ZNF84: variants seen among roughly 807,000 people sequenced by gnomAD.
ZNF84 encodes the protein zinc finger protein 84.
ZNF84 carries 12 observed loss-of-function variants against 14.8 expected under a neutral mutation model. The observed-to-expected ratio is 0.81, with a 90% confidence interval of 0.52 to 1.31. The LOEUF (loss-of-function observed/expected upper bound fraction) is 1.31. ZNF84 is among the 50% of genes most tolerant of loss of function. The probability of loss-of-function intolerance (pLI) is 0.00; values close to 1 mark genes in which losing one functional copy is unlikely to be tolerated. For missense variants in ZNF84, 859 were observed against 878.6 expected, an observed-to-expected ratio of 0.98 and a Z score of 0.28; for synonymous variants, 347 against 291.1, an observed-to-expected ratio of 1.19 and a Z score of -1.96.
Position 133,059,368 on chromosome 12 carries a change from C to A in ZNF84, c.*436C>A. 4.7e-6 allele frequency: 1 copy of A among 213,838 alleles called. No homozygotes were observed. Among genetic ancestry groups the A allele is most frequent in the Non-Finnish European group, 9.2e-6 (1 of 108,842 alleles). 13.2% of individuals were successfully genotyped at this position (213,838 alleles called of 1,614,324 possible). On this transcript the variant is annotated 3_prime_UTR_variant, in exon 5 of 5. Transcript: ENST00000539354. ...TTCTATGAAAGTACTAAATATGGGA[C>A]AGTGCAACAAGTAACGAGACTATTT...
intron 2 of ZNF84, among the ~76,000 whole-genome samples, chr12:133,046,266 A>G (rs1953975072): frequency 6.7e-6 from 1 of 150,244 alleles, no homozygotes; most frequent in African/African-American, 2.5e-5. Flanking sequence ...CCCCAGCCCC[A>G]CTGTGGCCTT....
intron 4 of ZNF84, 146 bp downstream of exon 4, chr12:133,048,994 G>T (rs1306857663): frequency 2.1e-5 from 13 of 609,498 alleles, no homozygotes; most frequent in Non-Finnish European, 3.2e-5. Context: ...TGATGGGTTG[G>T]CTGGTCAGTG....
chr12:133,058,276 G>A lies in ZNF84; in HGVS notation c.1561G>A (p.Gly521Arg). 2.5e-6 allele frequency: 4 copies of A among 1,613,562 alleles called. No homozygotes were observed. In the South Asian group the frequency reaches 3.3e-5, roughly 13 times the overall value. ...AAAACCATATGTATGCAGTGAATGT[G>A]GGAAAGCCTTTTGTCAGAAGTCACA... ...GEKPYVCSEC[G>R]KAFCQKSHLI... Residue 521 changes from glycine (G) to arginine (R), a missense_variant, in exon 5 of 5, where the codon GGG (glycine) becomes AGG (arginine). Gly to Arg is a moderately radical substitution (Grantham distance 125). Coordinates refer to ENST00000539354, the MANE Select transcript of ZNF84 (RefSeq NM_001289971.2).
intron 4 of ZNF84, among the ~76,000 whole-genome samples, chr12:133,051,302 G>A (rs2137386829): frequency 6.6e-6 from 1 of 152,108 alleles, no homozygotes. Context: ...AGATATTTGT[G>A]TTCTTTTTTA....
At position 133,048,206 on chromosome 12, in the gene ZNF84, A is replaced by T. The variant is rs1954016284; in HGVS notation, c.142+125A>T. On this transcript the variant is annotated intron_variant, in intron 3 of 4. Transcript: ENST00000539354. Reference sequence around the variant, plus strand: ...AATTTTTAATGATTTTAGACCTGAAACTTAGATCACAGTTGCTTGGACTAT... The same window carrying T: ...AATTTTTAATGATTTTAGACCTGAATCTTAGATCACAGTTGCTTGGACTAT... The T allele has an allele frequency of 3.5e-6, 3 of 856,480 alleles. No individual in the cohort carries two copies. The Admixed American group carries it at 7.3e-5, about 21-fold the overall frequency. The allele number at this position is 856,480 out of a possible 1,614,324, so 53.1% of individuals were successfully genotyped here. A position where few individuals can be genotyped will look rare whatever the true frequency, so the allele number is the denominator to read the frequency against.
rs1239860427 is a variant in ZNF84, at chr12:133,061,005, A to G, written c.*2073A>G. 1 of 152,130 alleles carries G rather than the reference A, an allele frequency of 6.6e-6. No homozygotes were observed. The highest frequency in any genetic ancestry group is 2.4e-5 in the African/African-American group (1 of 41,450). 9.4% of individuals were successfully genotyped at this position (152,130 alleles called of 1,614,324 possible). On this transcript the variant is annotated 3_prime_UTR_variant, in exon 5 of 5. Coordinates refer to ENST00000539354, the MANE Select transcript of ZNF84 (RefSeq NM_001289971.2). ...ATTTTGCACCTTTACCTTAAACAATATTTTCTCCTTTAATTATTGATTTTG... is the reference window on the plus strand; with the variant it reads ...ATTTTGCACCTTTACCTTAAACAATGTTTTCTCCTTTAATTATTGATTTTG...
At chr12:133,055,588 G>C (rs1320308846) in intron 4 of ZNF84, among the ~76,000 whole-genome samples, 2 of 151,846 alleles carry the variant, frequency 1.3e-5, no homozygotes, top group African/African-American at 2.4e-5. Flanking sequence ...TTTAAAAAAA[G>C]AATACAAAAA....
chr12:133,049,428 GT>G (rs1328612390), intron 4 of ZNF84, among the ~76,000 whole-genome samples: 1 of 151,858 alleles, frequency 6.6e-6, no homozygotes, highest in South Asian at 2.1e-4. Context: ...GTTCCTTTGT[GT>G]TTTTTTCTAT....
rs962165401 is a variant in ZNF84, at chr12:133,062,786, A to G, written c.*3854A>G. On this transcript the variant is annotated 3_prime_UTR_variant, in exon 5 of 5. Transcript: ENST00000539354. ...TGTATAAACCAATGCCTATCTATCT[A>G]TCATTTCTGAAAACTTTTTCCTCCT... is the stretch of plus-strand genomic sequence containing the variant. 12 of 353,748 alleles carry G rather than the reference A, an allele frequency of 3.4e-5. No homozygotes were observed. Among genetic ancestry groups the G allele is most frequent in the Non-Finnish European group, 5.7e-5 (11 of 192,946 alleles). 21.9% of individuals were successfully genotyped at this position (353,748 alleles called of 1,614,324 possible).
At chr12:133,043,593 A>G (rs945058142) in intron 2 of ZNF84, among the ~76,000 whole-genome samples, 9 of 152,340 alleles carry the variant, frequency 5.9e-5, no homozygotes, top group South Asian at 4.1e-4. Flanking sequence ...GACAGAATCT[A>G]TCAAGGCACA....
At chr12:133,044,249 TGCCTCCCACCTCA>T (rs1312754937) in intron 2 of ZNF84, among the ~76,000 whole-genome samples, 1 of 151,974 alleles carries the variant, frequency 6.6e-6, no homozygotes, top group Non-Finnish European at 1.5e-5. Flanking sequence ...GAATCAAACA[TGCCTCCCACCTCA>T]GCCTCCCAAG....
In ZNF84 at chr12:133,058,620, C is replaced by T; in HGVS notation, c.1905C>T (p.Ala635=). 3.7e-6 allele frequency: 6 copies of T among 1,614,076 alleles called. No individual in the cohort carries two copies. Among genetic ancestry groups the T allele is most frequent in the Non-Finnish European group, 5.1e-6 (6 of 1,180,002 alleles). The change falls in exon 5 of 5, where the codon GCC becomes GCT. Residue 635 remains alanine (A), a synonymous_variant. Coordinates refer to ENST00000539354, the MANE Select transcript of ZNF84 (RefSeq NM_001289971.2). ...KPYECNECRK[A]FREKSSLINH... is the part of the protein sequence containing the mutation. Reference sequence around the variant, plus strand: ...ATGAATGCAATGAATGTAGAAAAGCCTTCAGGGAGAAGTCAAGTCTCATCA... The same window carrying T: ...ATGAATGCAATGAATGTAGAAAAGCTTTCAGGGAGAAGTCAAGTCTCATCA...
chr12:133,061,436 G>A lies in ZNF84; in HGVS notation c.*2504G>A, dbSNP rs1954262048. 6.6e-6 allele frequency: 1 copy of A among 152,182 alleles called. No individual in the cohort carries two copies. The highest frequency in any genetic ancestry group is 2.1e-4 in the South Asian group (1 of 4,830). The allele number at this position is 152,182 out of a possible 1,614,324, so 9.4% of individuals were successfully genotyped here. A position where few individuals can be genotyped will look rare whatever the true frequency, so the allele number is the denominator to read the frequency against. Reference sequence around the variant, plus strand: ...GGTTGCAGTGAGCCAAGATTGTGCAGCCTGGGCGACAGAGCGAGCCTCTGT... The same window carrying A: ...GGTTGCAGTGAGCCAAGATTGTGCAACCTGGGCGACAGAGCGAGCCTCTGT... On this transcript the variant is annotated 3_prime_UTR_variant, in exon 5 of 5. Coordinates refer to ENST00000539354, the MANE Select transcript of ZNF84 (RefSeq NM_001289971.2).
In ZNF84 at chr12:133,041,305, G is replaced by A. The variant is rs1279259358; in HGVS notation, c.-163G>A. On this transcript the variant is annotated 5_prime_UTR_variant, in exon 2 of 5. Transcript: ENST00000539354. ...CACAGATCCTGGTCCCTACAAATAA[G>A]CCTGCTCATGTGAGATAAGAAAGGA... is the stretch of plus-strand genomic sequence containing the variant. 8.9e-6 allele frequency: 6 copies of A among 675,340 alleles called. No homozygotes were observed. Among genetic ancestry groups the A allele is most frequent in the South Asian group, 3.7e-5 (2 of 54,554 alleles). 41.8% of individuals were successfully genotyped at this position (675,340 alleles called of 1,614,324 possible).
At chr12:133,048,242 A>G in intron 3 of ZNF84, 161 bp downstream of exon 3, 2 of 595,552 alleles carry the variant, frequency 3.4e-6, no homozygotes, top group Non-Finnish European at 5.7e-6. Flanking sequence ...GACACCAAGA[A>G]AGTATTTGGG....
intron 2 of ZNF84, among the ~76,000 whole-genome samples, chr12:133,046,632 T>C (rs886986746): frequency 6.6e-6 from 1 of 150,884 alleles, no homozygotes; most frequent in African/African-American, 2.4e-5. Flanking sequence ...TTGAGAGTAT[T>C]ATTTTATTAT....
intron 1 of ZNF84, among the ~76,000 whole-genome samples, chr12:133,039,852 A>G (rs1490299914): frequency 7.0e-6 from 1 of 142,396 alleles, no homozygotes; most frequent in Non-Finnish European, 1.5e-5. Context: ...GTTGGTTTGG[A>G]TTTTTTTTTT....
In ZNF84 at chr12:133,061,247, G is replaced by T. The variant is rs1954258956; in HGVS notation, c.*2315G>T. On this transcript the variant is annotated 3_prime_UTR_variant, in exon 5 of 5. Transcript: ENST00000539354. Reference sequence around the variant, plus strand: ...TTTGGGAGGCTGAGGACCTCAAGTGGAGACCTCAAGTGGATCACTTGAGGT... The same window carrying T: ...TTTGGGAGGCTGAGGACCTCAAGTGTAGACCTCAAGTGGATCACTTGAGGT... 6.6e-6 allele frequency: 1 copy of T among 152,054 alleles called. No homozygotes were observed. The highest frequency in any genetic ancestry group is 1.5e-5 in the Non-Finnish European group (1 of 68,026). The allele number at this position is 152,054 out of a possible 1,614,324, so 9.4% of individuals were successfully genotyped here.
At chr12:133,046,347 G>GGTTTGTT (rs1953976790) in intron 2 of ZNF84, among the ~76,000 whole-genome samples, 3 of 116,406 alleles carry the variant, frequency 2.6e-5, no homozygotes, top group South Asian at 2.6e-4. Context: ...AGTCCTCACA[G>GGTTTGTT]TTTTTTTTTT....
Sources: allele counts gnomAD v4.1 joint callset (sites outside exome capture counted in the v4.1 genomes callset), GRCh38; gene constraint gnomAD v4.1.1; transcripts MANE v1.5; gene names NCBI Gene and HGNC (gene_info 2026-07-23, HGNC 2026-07-21).